Variants in FRMD3 observed in about 807,000 individuals in gnomAD.
The protein encoded by FRMD3 is FERM domain-containing protein 3.
A neutral mutation model predicts 70.2 loss-of-function variants in FRMD3; 33 were observed. The ratio of observed to expected loss-of-function variants is 0.47; its 90% confidence interval spans 0.36 to 0.63. The LOEUF (loss-of-function observed/expected upper bound fraction) is 0.63. FRMD3 is among the 20% of genes least tolerant of loss of function. The probability of loss-of-function intolerance (pLI) is 0.00; values close to 1 mark genes in which losing one functional copy is unlikely to be tolerated. For synonymous variants in FRMD3, 279 were observed against 255.9 expected (o/e 1.09, Z -0.86); for missense variants, 632 against 711.4 (o/e 0.89, Z 1.27).
At chr9:83,360,518 A>G (rs1824546838) in intron 3 of FRMD3, among the ~76,000 whole-genome samples, 1 of 152,004 alleles carries the variant, frequency 6.6e-6, no homozygotes, top group Admixed American at 6.6e-5. Context: ...TGTAGTTTTG[A>G]GTCGTGTGGG....
At chr9:83,415,577 G>A (rs1156321218) in intron 1 of FRMD3, among the ~76,000 whole-genome samples, 5 of 150,194 alleles carry the variant, frequency 3.3e-5, no homozygotes, top group African/African-American at 1.2e-4. Context: ...AGAGTAGCTG[G>A]GACTACAGGT....
At chr9:83,498,240 A>G (rs1480652623) in intron 1 of FRMD3, among the ~76,000 whole-genome samples, 1 of 152,194 alleles carries the variant, frequency 6.6e-6, no homozygotes, top group Admixed American at 6.5e-5. Flanking sequence ...CAATCACTTG[A>G]CTTCTCTGGT....
chr9:83,482,499 T>C (rs1289595011), intron 1 of FRMD3, among the ~76,000 whole-genome samples: 2 of 152,252 alleles, frequency 1.3e-5, no homozygotes, highest in African/African-American at 2.4e-5. Context: ...CAGTCATTAC[T>C]AGTAAATTCT....
chr9:83,378,759 A>C lies in FRMD3; in HGVS notation c.253-5804T>G, dbSNP rs184362382. ...TACTTTATATTATATATAATATATA[A>C]TTTATATTATATATAATATATATTA... On this transcript the variant is annotated intron_variant, in intron 2 of 13. Coordinates refer to ENST00000304195, the MANE Select transcript of FRMD3 (RefSeq NM_174938.6). Among the ~76,000 whole-genome samples the C allele has an allele frequency of 2.9e-3, 245 of 83,560 alleles. 1 individual carries two copies. The highest frequency in any genetic ancestry group is 0.017 in the South Asian group (55 of 3,306). 54.8% of individuals were successfully genotyped at this position (83,560 alleles called of 152,430 possible). A position where few individuals can be genotyped will look rare whatever the true frequency, so the allele number is the denominator to read the frequency against.
intron 1 of FRMD3, among the ~76,000 whole-genome samples, chr9:83,492,517 G>A (rs147951597): frequency 5.9e-5 from 9 of 152,246 alleles, no homozygotes; most frequent in Admixed American, 1.3e-4. Context: ...CTTTCCGCCC[G>A]TGCTCCCCTG....
At chr9:83,507,857 T>C (rs374149186) in intron 1 of FRMD3, among the ~76,000 whole-genome samples, 37 of 150,722 alleles carry the variant, frequency 2.5e-4, no homozygotes, top group East Asian at 2.3e-3. Context: ...TTATAGTATA[T>C]GTATTTATAT....
chr9:83,517,402 C>T (rs1476884124), intron 1 of FRMD3, among the ~76,000 whole-genome samples: 2 of 150,480 alleles, frequency 1.3e-5, no homozygotes, highest in African/African-American at 2.4e-5. Flanking sequence ...GACACATACA[C>T]CCTTCCAAGA....
intron 10 of FRMD3, among the ~76,000 whole-genome samples, chr9:83,299,796 G>A (rs909830473): frequency 1.3e-5 from 2 of 152,190 alleles, no homozygotes; most frequent in African/African-American, 2.4e-5. Context: ...TAAGATACAC[G>A]AGGCAGAAGC....
intron 1 of FRMD3, among the ~76,000 whole-genome samples, chr9:83,507,736 ATATC>A: frequency 1.1e-5 from 1 of 88,692 alleles, no homozygotes; most frequent in African/African-American, 3.8e-5. Flanking sequence ...ATATATATAT[ATATC>A]TTCTGGAATA....
chr9:83,358,786 T>C (rs564697459), intron 3 of FRMD3, among the ~76,000 whole-genome samples: 53 of 152,222 alleles, frequency 3.5e-4, no homozygotes, highest in Admixed American at 3.0e-3. Flanking sequence ...ATTCCTGTTG[T>C]GCACATGCCA....
At chr9:83,347,453 A>T (rs10746701) in intron 4 of FRMD3, among the ~76,000 whole-genome samples, 47,438 of 152,098 alleles carry the variant, frequency 0.31, 7,768 homozygotes, top group Non-Finnish European at 0.35. Flanking sequence ...GGAAGATGCT[A>T]CTTCTAAAAA....
intron 13 of FRMD3, among the ~76,000 whole-genome samples, chr9:83,285,904 C>T (rs1472393656): frequency 6.6e-6 from 1 of 152,230 alleles, no homozygotes. Context: ...TTCCACAGCA[C>T]TAGTTCTCTC....
At chr9:83,353,280 G>C (rs1824223904) in intron 3 of FRMD3, among the ~76,000 whole-genome samples, 1 of 141,586 alleles carries the variant, frequency 7.1e-6, no homozygotes, top group South Asian at 2.2e-4. Context: ...ACTGCAGTGG[G>C]GTGGGGGAGG....
intron 1 of FRMD3, among the ~76,000 whole-genome samples, chr9:83,406,119 T>C (rs1260765868): frequency 6.6e-6 from 1 of 152,136 alleles, no homozygotes; most frequent in Non-Finnish European, 1.5e-5. Flanking sequence ...ATAAACAGCA[T>C]TGCTAAGGAG....
At chr9:83,396,959 C>G (rs915387962) in intron 1 of FRMD3, among the ~76,000 whole-genome samples, 8 of 152,148 alleles carry the variant, frequency 5.3e-5, no homozygotes, top group Non-Finnish European at 1.2e-4. Flanking sequence ...GACTGATGAG[C>G]CCGGGAGCAG....
chr9:83,490,433 C>T (rs1018520309), intron 1 of FRMD3, among the ~76,000 whole-genome samples: 6 of 151,892 alleles, frequency 4.0e-5, no homozygotes, highest in South Asian at 4.2e-4. Context: ...GGATTACAGG[C>T]GCCCACCACC....
intron 2 of FRMD3, among the ~76,000 whole-genome samples, chr9:83,381,861 C>T (rs1825366247): frequency 6.6e-6 from 1 of 152,128 alleles, no homozygotes; most frequent in Non-Finnish European, 1.5e-5. Flanking sequence ...CACAACTACT[C>T]AACCCTGCTA....
intron 1 of FRMD3, among the ~76,000 whole-genome samples, chr9:83,492,533 A>C (rs10780606): frequency 6.6e-6 from 1 of 152,080 alleles, no homozygotes; most frequent in Admixed American, 6.5e-5. Flanking sequence ...CCCTGGGGCC[A>C]GGGCAGGCAG....
chr9:83,272,135 G>A (rs181823734), intron 13 of FRMD3, among the ~76,000 whole-genome samples: 193 of 143,516 alleles, frequency 1.3e-3, no homozygotes, highest in African/African-American at 4.7e-3. Flanking sequence ...CTCTCTCCAC[G>A]GTCTCCCTCT....
Sources: gnomAD v4.1 joint callset for allele counts (sites outside exome capture counted in the v4.1 genomes callset) on GRCh38, gnomAD v4.1.1 for gene constraint, MANE v1.5 for transcripts, NCBI Gene and HGNC (gene_info 2026-07-23, HGNC 2026-07-21) for gene names.